PARP4: variants seen among roughly 807,000 people sequenced by gnomAD.
The protein encoded by PARP4 is poly(ADP-ribose) polymerase family member 4, also known as protein mono-ADP-ribosyltransferase PARP4.
Under a neutral mutation model 187.7 loss-of-function variants are expected in PARP4, and 120 were observed. That is an observed-to-expected ratio of 0.64 (90% CI 0.55 to 0.74). The LOEUF is 0.74. Ranked by LOEUF, PARP4 falls within the 30% of genes least tolerant of loss-of-function variation. The pLI is 0.00. For synonymous variants in PARP4, 654 were observed against 740.9 expected, an observed-to-expected ratio of 0.88 and a Z score of 1.90; for missense variants, 1,836 against 2,070.5, an observed-to-expected ratio of 0.89 and a Z score of 2.20.
At chr13:24,474,654 C>T (rs531344209) in intron 15 of PARP4, among the ~76,000 whole-genome samples, 101 of 152,108 alleles carry the variant, frequency 6.6e-4, no homozygotes, top group Non-Finnish European at 1.2e-3. Flanking sequence ...AGGCACAGTC[C>T]CACAGGCTTC....
chr13:24,500,430 C>T (rs73154379), intron 3 of PARP4, 48 bp from the exon 4 acceptor site: 109,968 of 1,158,184 alleles, frequency 0.095, 5,788 homozygotes, highest in Middle Eastern at 0.11. Flanking sequence ...CAAAGACTTA[C>T]TATAATTAGT....
intron 15 of PARP4, among the ~76,000 whole-genome samples, chr13:24,472,623 A>T (rs1315921347): frequency 6.6e-6 from 1 of 152,144 alleles, no homozygotes; most frequent in Admixed American, 6.5e-5. Context: ...TCAATTTTAG[A>T]AAACCAAAAA....
At chr13:24,471,853 A>G (rs1872740544) in intron 15 of PARP4, among the ~76,000 whole-genome samples, 1 of 152,188 alleles carries the variant, frequency 6.6e-6, no homozygotes, top group East Asian at 1.9e-4. Context: ...TAAGTCCTTT[A>G]TATTTATTAG....
chr13:24,490,957 ATT>A (rs3832893), intron 9 of PARP4, 129 bp from the exon 10 acceptor site: 2 of 775,246 alleles, frequency 2.6e-6, no homozygotes, highest in African/African-American at 1.8e-5. Flanking sequence ...TACTTTATTT[ATT>A]TTTGAGATGG....
intron 17 of PARP4, among the ~76,000 whole-genome samples, chr13:24,463,468 T>G (rs1024809569): frequency 6.6e-6 from 1 of 152,116 alleles, no homozygotes; most frequent in Non-Finnish European, 1.5e-5. Flanking sequence ...TGTGAATAAA[T>G]GTAGAGACAT....
At chr13:24,436,187 A>G (rs2137444620) in intron 30 of PARP4, among the ~76,000 whole-genome samples, 1 of 152,388 alleles carries the variant, frequency 6.6e-6, no homozygotes, top group East Asian at 1.9e-4. Context: ...GGGTGTACTT[A>G]GGCCTAAAAT....
chr13:24,509,398 T>C (rs552183863), intron 1 of PARP4, among the ~76,000 whole-genome samples: 2 of 151,684 alleles, frequency 1.3e-5, no homozygotes, highest in Non-Finnish European at 2.9e-5. Flanking sequence ...TCCCAGCTAC[T>C]CAGGAGACTT....
At chr13:24,467,136 T>C (rs978871974) in intron 17 of PARP4, among the ~76,000 whole-genome samples, 2 of 152,142 alleles carry the variant, frequency 1.3e-5, no homozygotes, top group African/African-American at 2.4e-5. Context: ...GTCACATAAA[T>C]TGAAGTCTTG....
intron 24 of PARP4, among the ~76,000 whole-genome samples, chr13:24,451,128 T>A (rs1052070290): frequency 6.6e-6 from 1 of 152,182 alleles, no homozygotes; most frequent in South Asian, 2.1e-4. Context: ...CGTCCCAGAA[T>A]AGGCCCTCAC....
chr13:24,469,881 CT>C lies in PARP4; in HGVS notation c.2046+12del, dbSNP rs1408817375. 6.2e-7 allele frequency: 1 copy of C among 1,609,396 alleles called. No homozygotes were observed. The highest frequency in any genetic ancestry group is 1.1e-5 in the South Asian group (1 of 90,634). On this transcript the variant is annotated intron_variant, in intron 16 of 33. Coordinates refer to ENST00000381989, the MANE Select transcript of PARP4 (RefSeq NM_006437.4). ...AAAGCCGAGAGCGGGCACGATGCAT[CT>C]TCTTGCCTTACCTCTCCAACTATGT...
chr13:24,510,553 CA>C (rs61708412), intron 1 of PARP4, among the ~76,000 whole-genome samples: 15,677 of 89,182 alleles, frequency 0.18, 917 homozygotes, highest in Middle Eastern at 0.36. Context: ...GACTCCGTCT[CA>C]AAAAAAAAAA....
intron 30 of PARP4, among the ~76,000 whole-genome samples, chr13:24,437,252 T>TA (rs1197602927): frequency 6.6e-6 from 1 of 151,468 alleles, no homozygotes; most frequent in African/African-American, 2.4e-5. Flanking sequence ...CATGAAAACA[T>TA]AAAACTATTT....
At chr13:24,476,330 C>T (rs1294794081) in intron 14 of PARP4, among the ~76,000 whole-genome samples, 2 of 152,118 alleles carry the variant, frequency 1.3e-5, no homozygotes, top group African/African-American at 2.4e-5. Flanking sequence ...ACTTGACATA[C>T]ATTTAAACAT....
At chr13:24,442,323 C>G (rs1870975076) in intron 29 of PARP4, among the ~76,000 whole-genome samples, 1 of 152,238 alleles carries the variant, frequency 6.6e-6, no homozygotes, top group South Asian at 2.1e-4. Flanking sequence ...TATAGTATAA[C>G]CGAAAAGTAC....
chr13:24,492,488 G>A lies in PARP4; in HGVS notation c.986C>T (p.Pro329Leu), dbSNP rs1868713009. 1 of 1,613,868 alleles carries A rather than the reference G, an allele frequency of 6.2e-7. No individual in the cohort carries two copies. Among genetic ancestry groups the A allele is most frequent in the African/African-American group, 1.3e-5 (1 of 74,900 alleles). ...TTCTTTGGGCATTGTGCCTTTGTGAGGTATCAGTCTGTAAAACTCTGTCAT... is the reference window on the plus strand; with the variant it reads ...TTCTTTGGGCATTGTGCCTTTGTGAAGTATCAGTCTGTAAAACTCTGTCAT... ...KMMTEFYRLI[P>L]HKGTMPKEVN... The change falls in exon 9 of 34, where the codon CCT becomes CTT. Residue 329 changes from proline to leucine, a missense_variant. Transcript: ENST00000381989.
chr13:24,469,152 G>A (rs1872628467), intron 16 of PARP4, 42 bp from the exon 17 acceptor site: 1 of 1,314,194 alleles, frequency 7.6e-7, no homozygotes, highest in Non-Finnish European at 1.1e-6. Flanking sequence ...CATGAAGAGT[G>A]ACTTCAGGCT....
chr13:24,454,060 G>A (rs1234264228), intron 22 of PARP4, among the ~76,000 whole-genome samples: 10 of 149,634 alleles, frequency 6.7e-5, no homozygotes, highest in Non-Finnish European at 1.0e-4. Context: ...TCGCACCACC[G>A]CACTCCAGCC....
At chr13:24,477,121 T>C (rs1873026605) in intron 14 of PARP4, among the ~76,000 whole-genome samples, 1 of 152,216 alleles carries the variant, frequency 6.6e-6, no homozygotes, top group Non-Finnish European at 1.5e-5. Context: ...TAAGCTCAAC[T>C]TCAGTGTGTT....
At chr13:24,439,494 TA>T (rs11284061) in intron 30 of PARP4, among the ~76,000 whole-genome samples, 60,343 of 152,026 alleles carry the variant, frequency 0.4, 12,225 homozygotes, top group African/African-American at 0.46. Flanking sequence ...ACAAAACACT[TA>T]ACATATGTAG....
Sources: gnomAD v4.1 joint callset for allele counts (sites outside exome capture counted in the v4.1 genomes callset) on GRCh38, gnomAD v4.1.1 for gene constraint, MANE v1.5 for transcripts, NCBI Gene and HGNC (gene_info 2026-07-23, HGNC 2026-07-21) for gene names.